KAZN: variants seen among roughly 807,000 people sequenced by gnomAD.
KAZN encodes kazrin.
Under a neutral mutation model 87.4 loss-of-function variants are expected in KAZN, and 40 were observed. The ratio of observed to expected loss-of-function variants is 0.46; its 90% CI spans 0.36 to 0.60. The LOEUF (loss-of-function observed/expected upper bound fraction) is 0.60, where lower values mean the gene tolerates loss of function less well. Ranked by LOEUF, KAZN falls within the 20% of genes least tolerant of loss-of-function variation. The pLI, the probability that KAZN is intolerant of heterozygous loss-of-function variation, is 0.00. For synonymous variants in KAZN, 466 were observed against 458.3 expected (o/e 1.02, Z -0.22); for missense variants, 898 against 1,073.9 (o/e 0.84, Z 2.29).
chr1:14,822,486 AGAGAAGCTGGGC>A (rs1646762205), intron 1 of KAZN, among the ~76,000 whole-genome samples: 1 of 152,148 alleles, frequency 6.6e-6, no homozygotes, highest in Non-Finnish European at 1.5e-5. Flanking sequence ...CACAATGCAA[AGAGAAGCTGGGC>A]GTTCAGGTCT....
chr1:14,002,465 C>T (rs1347999550), intron 1 of KAZN, among the ~76,000 whole-genome samples: 1 of 152,206 alleles, frequency 6.6e-6, no homozygotes, highest in African/African-American at 2.4e-5. Flanking sequence ...TCCTCATTTT[C>T]TCTTGCTGCC....
chr1:15,034,900 T>G lies in KAZN; in HGVS notation c.555+15T>G. 1.9e-6 allele frequency: 3 copies of G among 1,591,006 alleles called. No homozygotes were observed. The highest frequency in any genetic ancestry group is 2.6e-6 in the Non-Finnish European group (3 of 1,166,984). On this transcript the variant is annotated intron_variant, in intron 3 of 14. Transcript: ENST00000376030. ...AGCACCGCAAGGTCAGCCGCCGCCC[T>G]GCCCTCCCCTCCCCTCCCGACACAC...
At chr1:14,450,738 A>C (rs1667227568) in intron 2 of KAZN, among the ~76,000 whole-genome samples, 1 of 152,214 alleles carries the variant, frequency 6.6e-6, no homozygotes, top group African/African-American at 2.4e-5. Context: ...AGTGTGGGGA[A>C]GGAGGGGTAG....
At chr1:14,427,685 C>T (rs1157517406) in intron 2 of KAZN, among the ~76,000 whole-genome samples, 3 of 152,048 alleles carry the variant, frequency 2.0e-5, no homozygotes, top group African/African-American at 7.2e-5. Flanking sequence ...TATAGGGTCA[C>T]TATGAAGTGA....
At chr1:14,976,031 C>CAAA (rs1162988294) in intron 2 of KAZN, among the ~76,000 whole-genome samples, 34 of 85,442 alleles carry the variant, frequency 4.0e-4, no homozygotes, top group East Asian at 8.0e-4. Flanking sequence ...GACTCCGTCT[C>CAAA]AAAAAAAAAA....
At chr1:14,061,669 G>A (rs1642800434) in intron 1 of KAZN, among the ~76,000 whole-genome samples, 1 of 152,174 alleles carries the variant, frequency 6.6e-6, no homozygotes, top group Non-Finnish European at 1.5e-5. Flanking sequence ...TTCCACAGTG[G>A]CAGGAACTTG....
chr1:15,012,040 G>C (rs1669623585), intron 2 of KAZN, among the ~76,000 whole-genome samples: 1 of 152,132 alleles, frequency 6.6e-6, no homozygotes, highest in Non-Finnish European at 1.5e-5. Flanking sequence ...TAGTAATAAT[G>C]GCAGCTAACA....
intron 1 of KAZN, among the ~76,000 whole-genome samples, chr1:14,714,166 C>G (rs1213225892): frequency 6.6e-6 from 1 of 152,102 alleles, no homozygotes; most frequent in East Asian, 1.9e-4. Context: ...GTCTGGTTAC[C>G]ATCATACTGG....
chr1:14,480,561 A>G (rs1462166166), intron 2 of KAZN, among the ~76,000 whole-genome samples: 2 of 147,466 alleles, frequency 1.4e-5, no homozygotes, highest in African/African-American at 4.9e-5. Context: ...ATTTATGTAT[A>G]TTTATAAACA....
Position 14,742,665 on chromosome 1 carries a change from C to T in KAZN, c.226+143442C>T, listed in dbSNP as rs1572372942. Among the ~76,000 whole-genome samples, 3 of 152,294 alleles carry T rather than the reference C, an allele frequency of 2.0e-5. No individual in the cohort carries two copies. In the South Asian group the frequency reaches 6.2e-4, roughly 32 times the overall value. On this transcript the variant is annotated intron_variant, in intron 1 of 14. Transcript: ENST00000376030. Reference sequence around the variant, plus strand: ...CAAAACTCCCAAGAAGTGTCAGCTCCAATGATGTTTCTTTGAATCACCCCA... The same window carrying T: ...CAAAACTCCCAAGAAGTGTCAGCTCTAATGATGTTTCTTTGAATCACCCCA...
chr1:14,860,834 TA>T (rs1650753202), intron 1 of KAZN, among the ~76,000 whole-genome samples: 1 of 152,216 alleles, frequency 6.6e-6, no homozygotes, highest in South Asian at 2.1e-4. Context: ...TCAACAGACC[TA>T]AAATAAATTA....
At chr1:14,388,103 T>C (rs1304179682) in intron 2 of KAZN, among the ~76,000 whole-genome samples, 4 of 152,156 alleles carry the variant, frequency 2.6e-5, no homozygotes, top group Non-Finnish European at 5.9e-5. Flanking sequence ...ACCCCTTTCT[T>C]TGACTAGGAA....
chr1:14,232,313 A>G (rs1171233778), intron 2 of KAZN, among the ~76,000 whole-genome samples: 1 of 152,172 alleles, frequency 6.6e-6, no homozygotes, highest in African/African-American at 2.4e-5. Flanking sequence ...TGGGGGATAT[A>G]ACACTTCTGT....
At chr1:14,251,639 C>T (rs1011635854) in intron 2 of KAZN, among the ~76,000 whole-genome samples, 14 of 111,454 alleles carry the variant, frequency 1.3e-4, no homozygotes, top group African/African-American at 5.5e-4. Flanking sequence ...AAAGTTCTCC[C>T]GGACTTTTTT....
At chr1:14,091,349 C>G (rs534936767) in intron 1 of KAZN, among the ~76,000 whole-genome samples, 57 of 152,190 alleles carry the variant, frequency 3.7e-4, no homozygotes, top group African/African-American at 1.2e-3. Context: ...TTTGTTCCTT[C>G]TCCTCTTCTC....
At chr1:14,254,825 T>C (rs1056843578) in intron 2 of KAZN, among the ~76,000 whole-genome samples, 1 of 151,664 alleles carries the variant, frequency 6.6e-6, no homozygotes, top group Non-Finnish European at 1.5e-5. Context: ...ATGGCAGAAG[T>C]TGAAAGGAGA....
At chr1:14,710,947 G>T (rs1321915808) in intron 1 of KAZN, among the ~76,000 whole-genome samples, 1 of 152,190 alleles carries the variant, frequency 6.6e-6, no homozygotes, top group East Asian at 1.9e-4. Context: ...ACTTAGGGAG[G>T]CCAAGGTGGG....
At chr1:14,963,864 G>A (rs12132328) in intron 2 of KAZN, among the ~76,000 whole-genome samples, 18,888 of 152,060 alleles carry the variant, frequency 0.12, 1,393 homozygotes, top group South Asian at 0.25. Context: ...TCCCACTTAT[G>A]AGTGAGAACG....
At chr1:14,573,072 G>A (rs1245454588) in intron 2 of KAZN, among the ~76,000 whole-genome samples, 5 of 152,086 alleles carry the variant, frequency 3.3e-5, no homozygotes, top group Admixed American at 2.0e-4. Context: ...ATGGGGGAGA[G>A]GTTTGAAGTC....
Sources: gnomAD v4.1 joint callset for allele counts (sites outside exome capture counted in the v4.1 genomes callset) on GRCh38, gnomAD v4.1.1 for gene constraint, MANE v1.5 for transcripts, NCBI Gene and HGNC (gene_info 2026-07-23, HGNC 2026-07-21) for gene names.